The following BAIAP2 variants were observed in gnomAD, a reference collection of about 807,000 sequenced individuals.
The protein encoded by BAIAP2 is BAR/IMD domain-containing adapter protein 2.
BAIAP2 carries 18 observed loss-of-function variants against 63.0 expected under a neutral mutation model. That is an observed-to-expected ratio of 0.29 (90% CI 0.20 to 0.42). The LOEUF is 0.42. Among genes scored for constraint, BAIAP2 ranks in the 10% least tolerant of loss-of-function variants. BAIAP2 has a pLI of 1.00. For missense variants in BAIAP2, 610 were observed against 734.3 expected, an observed-to-expected ratio of 0.83 and a Z score of 1.96; for synonymous variants, 386 against 307.6, an observed-to-expected ratio of 1.25 and a Z score of -2.67.
Position 81,106,859 on chromosome 17 carries a change from C to A in BAIAP2, c.1452C>A (p.Ser484Arg). Residue 484 changes from serine to arginine, a missense_variant, in exon 12 of 14, where the codon AGC becomes AGA. Physicochemically the swap from Ser to Arg is moderately radical, Grantham distance 110. This residue lies in a region of BAIAP2 where 114 missense variants were observed against 98.2 expected (regional missense o/e 1.16). Coordinates refer to ENST00000428708, the MANE Select transcript of BAIAP2 (RefSeq NM_001144888.2). ...GGGCCTTCCCCGCCCAGACGGCCAG[C>A]GGCTTCAAGCAGAGGCCCTACAGTG... ...ASRAFPAQTASGFKQRPYSVA... is the reference protein window; with the variant it reads ...ASRAFPAQTARGFKQRPYSVA... The A allele has an allele frequency of 1.9e-6, 3 of 1,605,428 alleles. No individual in the cohort carries two copies. Among genetic ancestry groups the A allele is most frequent in the South Asian group, 1.1e-5 (1 of 89,764 alleles).
chr17:81,065,124 G>T (rs1222793723), intron 3 of BAIAP2, among the ~76,000 whole-genome samples: 2 of 152,196 alleles, frequency 1.3e-5, no homozygotes, highest in African/African-American at 4.8e-5. Flanking sequence ...ATCCTCTTGG[G>T]CTTTGTGCTT....
intron 4 of BAIAP2, chr17:81,085,216 T>C (rs2055361670): frequency 5.9e-6 from 3 of 507,552 alleles, no homozygotes; most frequent in Admixed American, 3.3e-5. Context: ...TCCCCTGGCC[T>C]CTCCGACTGT....
At chr17:81,055,574 G>GTTTTTTTTTTTTTTTT (rs1555657874) in intron 2 of BAIAP2, among the ~76,000 whole-genome samples, 4 of 123,406 alleles carry the variant, frequency 3.2e-5, no homozygotes, top group Non-Finnish European at 6.7e-5. Context: ...AGGGTGTTTT[G>GTTTTTTTTTTTTTTTT]TTTTTTTTTG....
At position 81,042,861 on chromosome 17, in the gene BAIAP2, G is replaced by A. The variant is rs551196939; in HGVS notation, c.54+7553G>A. On this transcript the variant is annotated intron_variant, in intron 1 of 13. Coordinates refer to ENST00000428708, the MANE Select transcript of BAIAP2 (RefSeq NM_001144888.2). ...GGGCAGAGTGGCCTTGCTGCTTCCA[G>A]GCGGGGCTTTTATTTTAATTTAATT... Among the ~76,000 whole-genome samples the A allele has an allele frequency of 4.6e-5, 7 of 151,946 alleles. No individual in the cohort carries two copies. In the South Asian group the frequency reaches 1.5e-3, roughly 32 times the overall value.
intron 3 of BAIAP2, among the ~76,000 whole-genome samples, chr17:81,064,034 C>A (rs921858294): frequency 1.3e-5 from 2 of 152,250 alleles, no homozygotes; most frequent in African/African-American, 2.4e-5. Context: ...GGGCCCCAGC[C>A]TGTCCTCTCT....
Position 81,104,718 on chromosome 17 carries a change from G to C in BAIAP2, c.1268+3G>C. On this transcript the variant is annotated splice_donor_region_variant and intron_variant, in intron 10 of 13. Transcript: ENST00000428708. ...GGAGAGAGTGAGAAGACCAAGATGT[G>C]AGTGTTTCTCGGGGGCGGGCTCCAG... is the stretch of plus-strand genomic sequence containing the variant. The C allele has an allele frequency of 6.4e-7, 1 of 1,568,864 alleles. No homozygotes were observed. The highest frequency in any genetic ancestry group is 8.7e-7 in the Non-Finnish European group (1 of 1,155,324).
chr17:81,101,539 A>G (rs1598787253), intron 7 of BAIAP2, among the ~76,000 whole-genome samples: 1 of 152,202 alleles, frequency 6.6e-6, no homozygotes, highest in East Asian at 1.9e-4. Flanking sequence ...GGCCCTGGTC[A>G]TGTCTTTCTA....
At position 81,046,840 on chromosome 17, in the gene BAIAP2, A is replaced by G. The variant is rs1352093415; in HGVS notation, c.55-6828A>G. Among the ~76,000 whole-genome samples, 1 of 152,096 alleles carries G rather than the reference A, an allele frequency of 6.6e-6. No homozygotes were observed. Among genetic ancestry groups the G allele is most frequent in the African/African-American group, 2.4e-5 (1 of 41,422 alleles). On this transcript the variant is annotated intron_variant, in intron 1 of 13. Transcript: ENST00000428708. The surrounding 1 kb of genome is among the most constrained non-coding windows in gnomAD (Gnocchi z 4.5). ...GAGTCCCGTCAAGTCTACGTGGACC[A>G]GAGTCGTGGGTGCTGTGAGGTCCGT...
chr17:81,098,666 G>A (rs9319614), intron 6 of BAIAP2, among the ~76,000 whole-genome samples: 32,375 of 152,116 alleles, frequency 0.21, 4,018 homozygotes, highest in East Asian at 0.49. Context: ...TCCTTTTGGG[G>A]AAATCATTTT....
chr17:81,100,244 C>T (rs2058304170), intron 7 of BAIAP2, among the ~76,000 whole-genome samples, 164 bp downstream of exon 7: 1 of 152,188 alleles, frequency 6.6e-6, no homozygotes. Context: ...GGGAGAATTA[C>T]CAGGTCACAG....
chr17:81,087,255 T>C (rs1046370572), intron 6 of BAIAP2, among the ~76,000 whole-genome samples: 1 of 152,212 alleles, frequency 6.6e-6, no homozygotes, highest in African/African-American at 2.4e-5. Flanking sequence ...AGGTAGAAGC[T>C]TCTGGGCTGC....
In BAIAP2 at chr17:81,069,024, C is replaced by T. The variant is rs1024617835; in HGVS notation, c.217+11057C>T. On this transcript the variant is annotated intron_variant, in intron 3 of 13. Coordinates refer to ENST00000428708, the MANE Select transcript of BAIAP2 (RefSeq NM_001144888.2). The stretch of plus-strand genomic sequence containing the variant: ...ACAGACAGGACAGGGTCTCAGCAGC[C>T]CCAGGGGTGATCCCGGTGGCAGGGG... 2.0e-5 allele frequency among the ~76,000 whole-genome samples: 3 copies of T among 152,240 alleles called. No homozygotes were observed. In the South Asian group the frequency reaches 6.2e-4, roughly 32 times the overall value.
At chr17:81,087,014 G>T in intron 6 of BAIAP2, 1 of 181,058 alleles carries the variant, frequency 5.5e-6, no homozygotes, top group South Asian at 1.2e-4. Context: ...CGTCCCGCCG[G>T]CGTCACCGGT....
intron 13 of BAIAP2, among the ~76,000 whole-genome samples, chr17:81,114,301 C>T (rs12945013): frequency 6.6e-6 from 1 of 152,066 alleles, no homozygotes; most frequent in Non-Finnish European, 1.5e-5. Context: ...CCCCAGAGCT[C>T]CCTCCGGACC....
chr17:81,104,738 C>T, intron 10 of BAIAP2, 23 bp downstream of exon 10: 2 of 1,541,648 alleles, frequency 1.3e-6, no homozygotes, highest in South Asian at 1.2e-5. Flanking sequence ...CGGGGGCGGG[C>T]TCCAGGCAGC....
At chr17:81,060,217 A>T (rs2050309967) in intron 3 of BAIAP2, among the ~76,000 whole-genome samples, 1 of 152,102 alleles carries the variant, frequency 6.6e-6, no homozygotes, top group South Asian at 2.1e-4. Context: ...ACCCCATTAG[A>T]GTGTACAGTT....
rs1398144553 is a variant in BAIAP2 at position 81,053,455 on chromosome 17, G to A, written c.55-213G>A. On this transcript the variant is annotated intron_variant, in intron 1 of 13. Transcript: ENST00000428708. ...GTTTCTTCTTACCCCCTTTGCACAG[G>A]TGTGAAAACCGAGGCTCAGGAAGGT... 5.1e-6 allele frequency: 3 copies of A among 592,580 alleles called. No homozygotes were observed. The African/African-American group carries it at 5.6e-5, about 11-fold the overall frequency. The allele number at this position is 592,580 out of a possible 1,614,324, so 36.7% of individuals were successfully genotyped here. A position where few individuals can be genotyped will look rare whatever the true frequency, so the allele number is the denominator to read the frequency against.
rs747775919 is a variant in BAIAP2, at chr17:81,103,989, G to C, written c.947G>C (p.Arg316Pro). 1 of 1,613,122 alleles carries C rather than the reference G, an allele frequency of 6.2e-7. No homozygotes were observed. Among genetic ancestry groups the C allele is most frequent in the East Asian group, 2.2e-5 (1 of 44,880 alleles). Reference sequence around the variant, plus strand: ...GAGGACTACAGCCCGTGGGCTGACCGCAAGGCTGCCCAGCCCAAATCCCTG... The same window carrying C: ...GAGGACTACAGCCCGTGGGCTGACCCCAAGGCTGCCCAGCCCAAATCCCTG... ...DGEDYSPWAD[R>P]KAAQPKSLSP... Residue 316 changes from arginine (R) to proline (P), a missense_variant, in exon 9 of 14, where the codon CGC (arginine) becomes CCC (proline). Coordinates refer to ENST00000428708, the MANE Select transcript of BAIAP2 (RefSeq NM_001144888.2).
intron 7 of BAIAP2, among the ~76,000 whole-genome samples, chr17:81,100,623 A>G (rs1027767021): frequency 6.6e-6 from 1 of 152,076 alleles, no homozygotes; most frequent in Non-Finnish European, 1.5e-5. Flanking sequence ...CTGGGCCCCT[A>G]GGCCACCCAA....
Sources: gnomAD v4.1 joint callset for allele counts (sites outside exome capture counted in the v4.1 genomes callset) on GRCh38, gnomAD v4.1.1 for gene constraint, gnomAD v4.1.1 regional missense constraint, Gnocchi (gnomAD v3.1) non-coding constraint, MANE v1.5 for transcripts, NCBI Gene and HGNC (gene_info 2026-07-23, HGNC 2026-07-21) for gene names.